NKAIN3: variants seen among roughly 807,000 people sequenced by gnomAD.
NKAIN3 encodes sodium/potassium-transporting ATPase subunit beta-1-interacting protein 3.
Under a neutral mutation model 30.2 loss-of-function variants are expected in NKAIN3, and 25 were observed. That is an observed-to-expected ratio of 0.83 (90% CI 0.60 to 1.16). NKAIN3 has a LOEUF of 1.16. Among genes scored for constraint, NKAIN3 ranks in the 50% most tolerant of loss-of-function variants. NKAIN3 has a pLI of 0.00. For missense variants in NKAIN3, 225 were observed against 254.1 expected (o/e 0.89, Z 0.78); for synonymous variants, 91 against 89.6 (o/e 1.02, Z -0.09).
intron 1 of NKAIN3, among the ~76,000 whole-genome samples, chr8:62,537,958 T>C (rs2129874124): frequency 6.6e-6 from 1 of 152,170 alleles, no homozygotes; most frequent in Middle Eastern, 3.4e-3. Flanking sequence ...GCTGCATCAT[T>C]TGTGTGCCTG....
chr8:62,963,580 G>C (rs1823630216), intron 6 of NKAIN3, among the ~76,000 whole-genome samples: 1 of 152,162 alleles, frequency 6.6e-6, no homozygotes, highest in Non-Finnish European at 1.5e-5. Flanking sequence ...GTATTGGATG[G>C]ATAAATAAAC....
At chr8:62,729,040 C>CAAAAAAAAAAA (rs1317282077) in intron 3 of NKAIN3, among the ~76,000 whole-genome samples, 1 of 61,196 alleles carries the variant, frequency 1.6e-5, no homozygotes, top group Admixed American at 2.2e-4. Context: ...AAAAAAAAAA[C>CAAAAAAAAAAA]AAAAAAAAAA....
At chr8:62,786,032 G>C (rs1419874879) in intron 4 of NKAIN3, among the ~76,000 whole-genome samples, 1 of 151,934 alleles carries the variant, frequency 6.6e-6, no homozygotes, top group Non-Finnish European at 1.5e-5. Context: ...AGGCAAGTTG[G>C]TTCTCCCATC....
intron 3 of NKAIN3, among the ~76,000 whole-genome samples, chr8:62,621,391 A>G (rs897410389): frequency 7.2e-5 from 11 of 152,200 alleles, no homozygotes; most frequent in Admixed American, 1.3e-4. Context: ...ACTGAAAAAT[A>G]CATTTAATTG....
chr8:62,339,979 T>G lies in NKAIN3; in HGVS notation c.54+90852T>G, dbSNP rs77522385. On this transcript the variant is annotated intron_variant, in intron 1 of 6. Coordinates refer to ENST00000623646, the MANE Select transcript of NKAIN3 (RefSeq NM_001304533.3). ...AAGGACAAGTAGGGATTTATATCAT[T>G]AGGACAAATAGGTTTAATACCTTTT... Among the ~76,000 whole-genome samples, 469 of 152,140 alleles carry G rather than the reference T, an allele frequency of 3.1e-3. 3 individuals are homozygous for G. Among genetic ancestry groups the G allele is most frequent in the East Asian group, 0.027 (139 of 5,138 alleles).
At chr8:62,646,678 T>G (rs1812469571) in intron 3 of NKAIN3, among the ~76,000 whole-genome samples, 1 of 152,210 alleles carries the variant, frequency 6.6e-6, no homozygotes, top group East Asian at 1.9e-4. Flanking sequence ...TATTACATTT[T>G]GTAACCCTAA....
rs980871110 is a variant in NKAIN3 at position 62,981,659 on chromosome 8, G to A, written c.*16252G>A. 1.3e-4 allele frequency: 20 copies of A among 151,384 alleles called. No homozygotes were observed. The highest frequency in any genetic ancestry group is 2.8e-4 in the Non-Finnish European group (19 of 67,926). The allele number at this position is 151,384 out of a possible 1,614,324, so 9.4% of individuals were successfully genotyped here. Reference sequence around the variant, plus strand: ...AGACAAAAATGGTATTCTCAGGTGAGCTTACCTTTCAAATTTTTCTGAGAC... The same window carrying A: ...AGACAAAAATGGTATTCTCAGGTGAACTTACCTTTCAAATTTTTCTGAGAC... On this transcript the variant is annotated 3_prime_UTR_variant, in exon 7 of 7. Coordinates refer to ENST00000623646, the MANE Select transcript of NKAIN3 (RefSeq NM_001304533.3).
intron 3 of NKAIN3, among the ~76,000 whole-genome samples, chr8:62,621,313 C>T (rs1239294176): frequency 6.6e-6 from 1 of 151,828 alleles, no homozygotes; most frequent in African/African-American, 2.4e-5. Flanking sequence ...ATGATCATGA[C>T]CTCTGCAGTT....
Position 62,413,440 on chromosome 8 carries a change from G to A in NKAIN3, c.54+164313G>A, listed in dbSNP as rs139495067. 2.6e-4 allele frequency among the ~76,000 whole-genome samples: 39 copies of A among 152,180 alleles called. No homozygotes were observed. In the Middle Eastern group the frequency reaches 0.01, roughly 40 times the overall value. ...GGTTTATTCATTGGTTTTTGCCTGA[G>A]CCTCACATTATGTAATTTTTCTACC... is the stretch of plus-strand genomic sequence containing the variant. On this transcript the variant is annotated intron_variant, in intron 1 of 6. Coordinates refer to ENST00000623646, the MANE Select transcript of NKAIN3 (RefSeq NM_001304533.3).
chr8:62,775,608 C>A (rs1817167547), intron 4 of NKAIN3, among the ~76,000 whole-genome samples: 1 of 151,978 alleles, frequency 6.6e-6, no homozygotes, highest in South Asian at 2.1e-4. Flanking sequence ...CATGTTCCTA[C>A]AATAATTTGA....
At chr8:62,500,424 G>GGAAAGAAAGAAAGAAA (rs372867878) in intron 1 of NKAIN3, among the ~76,000 whole-genome samples, 14 of 103,746 alleles carry the variant, frequency 1.3e-4, no homozygotes, top group Admixed American at 9.1e-4. Context: ...AAGGAAGAAA[G>GGAAAGAAAGAAAGAAA]GAAAGAAAGA....
chr8:62,572,871 A>G (rs1439610839), intron 1 of NKAIN3, among the ~76,000 whole-genome samples: 2 of 152,202 alleles, frequency 1.3e-5, no homozygotes, highest in Non-Finnish European at 2.9e-5. Context: ...GTATGGACAC[A>G]AAGTCAAACC....
chr8:62,367,824 C>G (rs1345109884), intron 1 of NKAIN3, among the ~76,000 whole-genome samples: 1 of 152,030 alleles, frequency 6.6e-6, no homozygotes, highest in East Asian at 1.9e-4. Context: ...ATGGCACAAT[C>G]TTATATATAG....
At chr8:62,500,449 GAAAGAAAGAA>G (rs1807395608) in intron 1 of NKAIN3, among the ~76,000 whole-genome samples, 1 of 116,336 alleles carries the variant, frequency 8.6e-6, no homozygotes, top group African/African-American at 3.8e-5. Flanking sequence ...AAGAAAGAAA[GAAAGAAAGAA>G]AGAAAGAAAG....
intron 1 of NKAIN3, among the ~76,000 whole-genome samples, chr8:62,455,659 CT>C (rs1478597199): frequency 1.3e-5 from 2 of 152,274 alleles, no homozygotes; most frequent in African/African-American, 2.4e-5. Flanking sequence ...CTTGTACCCC[CT>C]GAACCTACAA....
rs1419134671 is a variant in NKAIN3, at chr8:62,885,833, TA to T, written c.472-32619del. On this transcript the variant is annotated intron_variant, in intron 4 of 6. Transcript: ENST00000623646. ...TCTTTTGATTAATGTTAACATGGAA[TA>T]TTTTTTTCCACCCCATTACTTTTTA... Among the ~76,000 whole-genome samples the T allele has an allele frequency of 2.0e-5, 3 of 152,328 alleles. No homozygotes were observed. The East Asian group carries it at 5.8e-4, about 29-fold the overall frequency.
chr8:62,301,023 C>A (rs1051488924), intron 1 of NKAIN3, among the ~76,000 whole-genome samples: 1 of 151,966 alleles, frequency 6.6e-6, no homozygotes, highest in East Asian at 1.9e-4. Flanking sequence ...ACTATCAAAT[C>A]TTCTAAAGAA....
At chr8:62,331,530 A>G (rs996060237) in intron 1 of NKAIN3, among the ~76,000 whole-genome samples, 1 of 152,198 alleles carries the variant, frequency 6.6e-6, no homozygotes, top group Non-Finnish European at 1.5e-5. Flanking sequence ...AGAACTGAGC[A>G]CTGCATTCAA....
rs191111623 is a variant in NKAIN3 at position 62,969,133 on chromosome 8, C to T, written c.*3726C>T. Among the ~76,000 whole-genome samples, 5 of 152,306 alleles carry T rather than the reference C, an allele frequency of 3.3e-5. No homozygotes were observed. The East Asian group carries it at 7.7e-4, about 24-fold the overall frequency. On this transcript the variant is annotated 3_prime_UTR_variant, in exon 7 of 7. Coordinates refer to ENST00000623646, the MANE Select transcript of NKAIN3 (RefSeq NM_001304533.3). ...TTGGCTCATTTGTTTTGAAGATACT[C>T]GACACTTTGCCCTAGCAAAATATTG... is the stretch of plus-strand genomic sequence containing the variant.
Sources: gnomAD v4.1 joint callset for allele counts (sites outside exome capture counted in the v4.1 genomes callset) on GRCh38, gnomAD v4.1.1 for gene constraint, MANE v1.5 for transcripts, NCBI Gene and HGNC (gene_info 2026-07-23, HGNC 2026-07-21) for gene names.